The following RGS20 variants were observed in gnomAD, a reference collection of about 807,000 sequenced individuals.
The protein encoded by RGS20 is regulator of G protein signaling 20, also known as gz-selective GTPase-activating protein.
Under a neutral mutation model 33.6 loss-of-function variants are expected in RGS20, and 30 were observed. The observed-to-expected ratio is 0.89, with a 90% CI of 0.67 to 1.21. The LOEUF (loss-of-function observed/expected upper bound fraction) is 1.21, where lower values mean the gene tolerates loss of function less well. RGS20 is among the 50% of genes most tolerant of loss of function. RGS20 has a pLI of 0.00. For missense variants in RGS20, 472 were observed against 502.4 expected (o/e 0.94, Z 0.58); for synonymous variants, 208 against 197.9 (o/e 1.05, Z -0.43).
At chr8:53,941,273 C>A (rs760503796) in intron 3 of RGS20, among the ~76,000 whole-genome samples, 18 of 152,222 alleles carry the variant, frequency 1.2e-4, no homozygotes, top group Middle Eastern at 3.4e-3. Flanking sequence ...GTAGAAGAGA[C>A]AATAGAGCAA....
At chr8:53,943,600 T>C (rs1325117295) in intron 3 of RGS20, among the ~76,000 whole-genome samples, 2 of 151,902 alleles carry the variant, frequency 1.3e-5, no homozygotes, top group African/African-American at 4.8e-5. Context: ...AAAGAAAACT[T>C]CACAAAAAAA....
chr8:53,916,228 C>A (rs1283207698), intron 2 of RGS20, among the ~76,000 whole-genome samples: 1 of 152,052 alleles, frequency 6.6e-6, no homozygotes, highest in East Asian at 1.9e-4. Context: ...CACTGTGTTG[C>A]CCAGGGTGGT....
At chr8:53,902,004 T>G (rs1813045791) in intron 2 of RGS20, among the ~76,000 whole-genome samples, 1 of 152,176 alleles carries the variant, frequency 6.6e-6, no homozygotes, top group African/African-American at 2.4e-5. Context: ...ACACATTCAC[T>G]TATCCATTCT....
chr8:53,879,288 C>T lies in RGS20; in HGVS notation c.196C>T (p.Pro66Ser). ...CCCGCCTGCACAGCTCCCAGACTCGCCCGCCGCCCCGAAGCTGTTCGGCCT... is the reference window on the plus strand; with the variant it reads ...CCCGCCTGCACAGCTCCCAGACTCGTCCGCCGCCCCGAAGCTGTTCGGCCT... The change falls in exon 2 of 6, where the codon CCC (proline) becomes TCC (serine). Residue 66 changes from proline to serine, a missense_variant. Physicochemically the swap from Pro to Ser is moderately conservative, Grantham distance 74 (BLOSUM62 -1). Transcript: ENST00000297313. The T allele has an allele frequency of 6.2e-7, 1 of 1,613,762 alleles. No homozygotes were observed. The highest frequency in any genetic ancestry group is 8.5e-7 in the Non-Finnish European group (1 of 1,179,974).
chr8:53,958,164 A>G (rs899583098), intron 5 of RGS20, 106 bp from the exon 5 acceptor site: 1 of 846,280 alleles, frequency 1.2e-6, no homozygotes, highest in Admixed American at 3.4e-5. Context: ...AAAAAACCAA[A>G]AACAAAAAAC....
chr8:53,941,301 A>G (rs1232303774), intron 3 of RGS20, among the ~76,000 whole-genome samples: 6 of 152,228 alleles, frequency 3.9e-5, no homozygotes, highest in Non-Finnish European at 7.3e-5. Context: ...AAAGTGCTGG[A>G]GAAAAGTAAC....
At chr8:53,896,859 T>C (rs562898093) in intron 2 of RGS20, among the ~76,000 whole-genome samples, 1 of 152,306 alleles carries the variant, frequency 6.6e-6, no homozygotes, top group East Asian at 1.9e-4. Context: ...TCAGATGGCT[T>C]TCAGAGATTT....
At chr8:53,876,853 G>A (rs923832501) in intron 1 of RGS20, among the ~76,000 whole-genome samples, 1 of 152,178 alleles carries the variant, frequency 6.6e-6, no homozygotes, top group Non-Finnish European at 1.5e-5. Flanking sequence ...CTTGGATCAG[G>A]TTTGGGACTT....
At chr8:53,888,045 A>C (rs1812598709) in intron 2 of RGS20, among the ~76,000 whole-genome samples, 1 of 152,176 alleles carries the variant, frequency 6.6e-6, no homozygotes, top group African/African-American at 2.4e-5. Flanking sequence ...AGAATCTTAC[A>C]TGTATGGGGT....
At chr8:53,904,214 C>T (rs1253212739) in intron 2 of RGS20, among the ~76,000 whole-genome samples, 2 of 151,830 alleles carry the variant, frequency 1.3e-5, no homozygotes, top group Admixed American at 1.3e-4. Flanking sequence ...CCTCCGCATC[C>T]CAGGTTCAAG....
At chr8:53,957,178 G>A (rs1275593024) in intron 5 of RGS20, among the ~76,000 whole-genome samples, 3 of 152,200 alleles carry the variant, frequency 2.0e-5, no homozygotes, top group Non-Finnish European at 4.4e-5. Flanking sequence ...CCAGGCTGGA[G>A]TGCAGTGGCA....
intron 2 of RGS20, among the ~76,000 whole-genome samples, chr8:53,884,776 C>T (rs543570688): frequency 6.6e-6 from 1 of 152,190 alleles, no homozygotes; most frequent in Non-Finnish European, 1.5e-5. Flanking sequence ...ATCTCTAGCA[C>T]CAAGAAGGAC....
chr8:53,879,593 G>A lies in RGS20; in HGVS notation c.501G>A (p.Ser167=), dbSNP rs1409613584. 1 of 1,511,308 alleles carries A rather than the reference G, an allele frequency of 6.6e-7. No homozygotes were observed. The highest frequency in any genetic ancestry group is 8.8e-7 in the Non-Finnish European group (1 of 1,132,396). The allele number at this position is 1,511,308 out of a possible 1,614,324, so 93.6% of individuals were successfully genotyped here. A position where few individuals can be genotyped will look rare whatever the true frequency, so the allele number is the denominator to read the frequency against. Reference sequence around the variant, plus strand: ...AAGACGCCACCGCTGGGCAGAGCTCGCCTATGCCGGTGAGTACCGTGGTCT... The same window carrying A: ...AAGACGCCACCGCTGGGCAGAGCTCACCTATGCCGGTGAGTACCGTGGTCT... The change falls in exon 2 of 6, where the codon TCG becomes TCA. Residue 167 remains serine, a synonymous_variant. Coordinates refer to ENST00000297313, the MANE Select transcript of RGS20 (RefSeq NM_170587.4).
rs114867018 is a variant in RGS20, at chr8:53,907,229, C to T, written c.510+27627C>T. 8.3e-3 allele frequency among the ~76,000 whole-genome samples: 1,258 copies of T among 152,190 alleles called. 10 individuals are homozygous for T. The highest frequency in any genetic ancestry group is 0.029 in the African/African-American group (1,194 of 41,534). Reference sequence around the variant, plus strand: ...GCAGATTCCTCCTGCTTGTGAACCACATTTTTTTTCTGAAGCATTTGATGT... The same window carrying T: ...GCAGATTCCTCCTGCTTGTGAACCATATTTTTTTTCTGAAGCATTTGATGT... On this transcript the variant is annotated intron_variant, in intron 2 of 5. Transcript: ENST00000297313.
intron 2 of RGS20, among the ~76,000 whole-genome samples, chr8:53,881,599 G>A (rs1812386735): frequency 6.6e-6 from 1 of 152,110 alleles, no homozygotes; most frequent in Non-Finnish European, 1.5e-5. Context: ...CCTTTTAGGA[G>A]AAGTGCAACC....
chr8:53,863,727 CTTTT>C (rs370117372), intron 1 of RGS20, among the ~76,000 whole-genome samples: 4 of 129,226 alleles, frequency 3.1e-5, no homozygotes, highest in African/African-American at 5.7e-5. Context: ...TTTGTTTTAT[CTTTT>C]TTTTTTTTTT....
intron 2 of RGS20, chr8:53,880,975 G>A (rs989982226): frequency 6.3e-7 from 1 of 1,587,180 alleles, no homozygotes; most frequent in African/African-American, 1.3e-5. Flanking sequence ...AGAGAGGGCA[G>A]CCCTCCGCGC....
In RGS20 at chr8:53,877,318, G is replaced by C. The variant is rs1000429118; in HGVS notation, c.166-1940G>C. ...GCCGCCCGTGGCCGCCGAAGTTCCCGCCCTCGCCGAGGGCCCTCGCTCCGG... is the reference window on the plus strand; with the variant it reads ...GCCGCCCGTGGCCGCCGAAGTTCCCCCCCTCGCCGAGGGCCCTCGCTCCGG... On this transcript the variant is annotated intron_variant, in intron 1 of 5. Transcript: ENST00000297313. The surrounding 1 kb of genome is among the most constrained non-coding windows in gnomAD (Gnocchi z 5.7). Among the ~76,000 whole-genome samples the C allele has an allele frequency of 6.6e-6, 1 of 152,128 alleles. No homozygotes were observed. The highest frequency in any genetic ancestry group is 6.5e-5 in the Admixed American group (1 of 15,276).
intron 2 of RGS20, among the ~76,000 whole-genome samples, chr8:53,912,391 A>T (rs1813369625): frequency 6.7e-6 from 1 of 149,494 alleles, no homozygotes; most frequent in African/African-American, 2.5e-5. Context: ...AGGTAAAAAT[A>T]TCAAAAAAAG....
Sources: gnomAD v4.1 joint callset for allele counts (sites outside exome capture counted in the v4.1 genomes callset) on GRCh38, gnomAD v4.1.1 for gene constraint, Gnocchi (gnomAD v3.1) non-coding constraint, MANE v1.5 for transcripts, NCBI Gene and HGNC (gene_info 2026-07-23, HGNC 2026-07-21) for gene names.